DACH1: variants seen among roughly 807,000 people sequenced by gnomAD.
DACH1 encodes the protein dachshund family transcription factor 1, also known as dachshund homolog 1.
DACH1 carries 12 observed loss-of-function variants against 54.2 expected under a neutral mutation model. The ratio of observed to expected loss-of-function variants is 0.22; its 90% CI spans 0.14 to 0.36. The LOEUF (loss-of-function observed/expected upper bound fraction) is 0.36. Ranked by LOEUF, DACH1 falls within the 10% of genes least tolerant of loss-of-function variation. DACH1 has a pLI of 1.00. For synonymous variants in DACH1, 386 were observed against 366.2 expected (o/e 1.05, Z -0.62); for missense variants, 805 against 929.8 (o/e 0.87, Z 1.75).
At chr13:71,797,422 C>T (rs889738900) in intron 1 of DACH1, among the ~76,000 whole-genome samples, 1 of 152,056 alleles carries the variant, frequency 6.6e-6, no homozygotes, top group African/African-American at 2.4e-5. Context: ...ATTCTAGATG[C>T]CTTCCATCAA....
chr13:71,503,841 C>T (rs375938223), intron 6 of DACH1, among the ~76,000 whole-genome samples: 41 of 152,230 alleles, frequency 2.7e-4, no homozygotes, highest in East Asian at 7.7e-4. Context: ...TGAGATTTTA[C>T]GACTTTTTCC....
At position 71,488,810 on chromosome 13, in the gene DACH1, T is replaced by C. The variant is rs572342110; in HGVS notation, c.1722+187A>G. 2.0e-5 allele frequency among the ~76,000 whole-genome samples: 3 copies of C among 151,374 alleles called. No individual in the cohort carries two copies. In the South Asian group the frequency reaches 6.2e-4, roughly 31 times the overall value. On this transcript the variant is annotated intron_variant, in intron 7 of 10. Coordinates refer to ENST00000613252, the MANE Select transcript of DACH1 (RefSeq NM_080759.6). ...ATATACATATATATGAATATATATATATATATGAGTATTTCTAAGCTAATT... is the reference window on the plus strand; with the variant it reads ...ATATACATATATATGAATATATATACATATATGAGTATTTCTAAGCTAATT...
At chr13:71,689,895 A>C (rs1462621964) in intron 1 of DACH1, among the ~76,000 whole-genome samples, 2 of 152,168 alleles carry the variant, frequency 1.3e-5, no homozygotes. Context: ...CTTTTTTAGA[A>C]TATACATAAG....
chr13:71,697,850 G>T (rs1046508661), intron 1 of DACH1, among the ~76,000 whole-genome samples: 3 of 152,078 alleles, frequency 2.0e-5, no homozygotes, highest in Non-Finnish European at 4.4e-5. Flanking sequence ...GTTAAAATTT[G>T]CTGGCTATTT....
At chr13:71,585,075 T>G (rs1206790072) in intron 3 of DACH1, among the ~76,000 whole-genome samples, 1 of 152,182 alleles carries the variant, frequency 6.6e-6, no homozygotes, top group Non-Finnish European at 1.5e-5. Context: ...GTTCATTCAT[T>G]TTTTTAGCAT....
intron 6 of DACH1, among the ~76,000 whole-genome samples, chr13:71,520,461 A>G (rs928566253): frequency 2.0e-5 from 3 of 151,542 alleles, no homozygotes; most frequent in Non-Finnish European, 4.4e-5. Context: ...GACTTTTGAG[A>G]AAAAAATTAA....
chr13:71,516,921 T>G (rs531503674), intron 6 of DACH1, among the ~76,000 whole-genome samples: 2 of 43,408 alleles, frequency 4.6e-5, no homozygotes, highest in South Asian at 1.6e-3. Context: ...CACACATATA[T>G]TTTTATGTTT....
intron 1 of DACH1, among the ~76,000 whole-genome samples, chr13:71,713,524 T>A (rs1046465754): frequency 6.6e-6 from 1 of 152,200 alleles, no homozygotes; most frequent in South Asian, 2.1e-4. Context: ...TAAATCATTA[T>A]AGATTTAGAT....
intron 2 of DACH1, among the ~76,000 whole-genome samples, chr13:71,671,837 G>C (rs1880225507): frequency 6.6e-6 from 1 of 152,042 alleles, no homozygotes; most frequent in African/African-American, 2.4e-5. Context: ...TCCACTTTCT[G>C]ACAGTTCTCC....
At chr13:71,446,279 G>A (rs544574981) in intron 10 of DACH1, among the ~76,000 whole-genome samples, 18 of 152,076 alleles carry the variant, frequency 1.2e-4, no homozygotes, top group Admixed American at 2.0e-4. Context: ...TGTGTTTGAC[G>A]CAGAAAAAAT....
intron 3 of DACH1, among the ~76,000 whole-genome samples, chr13:71,610,532 C>A (rs1875245716): frequency 6.6e-6 from 1 of 152,110 alleles, no homozygotes; most frequent in East Asian, 1.9e-4. Flanking sequence ...AGAGCATCTG[C>A]ATAAATCACA....
chr13:71,785,347 T>C (rs1156900536), intron 1 of DACH1, among the ~76,000 whole-genome samples: 1 of 152,202 alleles, frequency 6.6e-6, no homozygotes, highest in African/African-American at 2.4e-5. Flanking sequence ...GCTGTAAATG[T>C]GATTGCTGTT....
At chr13:71,643,775 A>T (rs1878075694) in intron 2 of DACH1, among the ~76,000 whole-genome samples, 1 of 152,196 alleles carries the variant, frequency 6.6e-6, no homozygotes, top group Admixed American at 6.5e-5. Flanking sequence ...GAGAGGAAAA[A>T]AATATTAAAT....
intron 1 of DACH1, among the ~76,000 whole-genome samples, chr13:71,817,765 A>T (rs1194334213): frequency 6.6e-6 from 1 of 151,792 alleles, no homozygotes; most frequent in Non-Finnish European, 1.5e-5. Context: ...GTTTCTTTTA[A>T]CATTCTTAGT....
At chr13:71,514,320 T>C (rs1253030988) in intron 6 of DACH1, among the ~76,000 whole-genome samples, 1 of 151,908 alleles carries the variant, frequency 6.6e-6, no homozygotes, top group East Asian at 1.9e-4. Flanking sequence ...ATTAATTCAT[T>C]GCTATAACAT....
At chr13:71,446,492 A>G (rs975538567) in intron 10 of DACH1, among the ~76,000 whole-genome samples, 8 of 152,240 alleles carry the variant, frequency 5.3e-5, no homozygotes, top group Admixed American at 2.0e-4. Context: ...ACCCAAGAAA[A>G]TAATGCCTCT....
At chr13:71,726,430 T>C (rs981275516) in intron 1 of DACH1, among the ~76,000 whole-genome samples, 7 of 152,152 alleles carry the variant, frequency 4.6e-5, no homozygotes, top group African/African-American at 1.7e-4. Context: ...ATTGTTTGGA[T>C]ATCTAAACAT....
At chr13:71,627,119 G>A (rs1876704423) in intron 3 of DACH1, among the ~76,000 whole-genome samples, 1 of 151,724 alleles carries the variant, frequency 6.6e-6, no homozygotes, top group Non-Finnish European at 1.5e-5. Context: ...TGTAAAATTG[G>A]GATATAAAAT....
chr13:71,851,624 A>G (rs545998901), intron 1 of DACH1, among the ~76,000 whole-genome samples: 2 of 152,214 alleles, frequency 1.3e-5, no homozygotes, highest in East Asian at 3.9e-4. Context: ...CAAAGCCCCC[A>G]CAGCTCAGCA....
Sources: allele counts gnomAD v4.1 joint callset (sites outside exome capture counted in the v4.1 genomes callset), GRCh38; gene constraint gnomAD v4.1.1; transcripts MANE v1.5; gene names NCBI Gene and HGNC (gene_info 2026-07-23, HGNC 2026-07-21).